Variants in NCOA7 observed in about 807,000 individuals in gnomAD.
NCOA7 encodes nuclear receptor coactivator 7.
A neutral mutation model predicts 104.3 loss-of-function variants in NCOA7; 45 were observed. The observed-to-expected ratio is 0.43, with a 90% CI of 0.34 to 0.55. The LOEUF is 0.55. Among genes scored for constraint, NCOA7 ranks in the 20% least tolerant of loss-of-function variants. The pLI is 0.02. For synonymous variants in NCOA7, 398 were observed against 402.3 expected (o/e 0.99, Z 0.13); for missense variants, 1,041 against 1,119.7 (o/e 0.93, Z 1.00).
intron 3 of NCOA7, among the ~76,000 whole-genome samples, chr6:125,867,371 A>T (rs1228884307): frequency 6.6e-6 from 1 of 152,212 alleles, no homozygotes; most frequent in Non-Finnish European, 1.5e-5. Context: ...CCATAAATTG[A>T]TATTGGTAAT....
intron 2 of NCOA7, among the ~76,000 whole-genome samples, chr6:125,851,488 C>T (rs1781124919): frequency 6.6e-6 from 1 of 152,164 alleles, no homozygotes; most frequent in Admixed American, 6.5e-5. Context: ...TTTTCTTTAT[C>T]CACTCATCAG....
rs140312521 is a variant in NCOA7 at position 125,904,727 on chromosome 6, C to T, written c.2097-10606C>T. ...ATGGACACTGGCTGCATTTTGGAGA[C>T]TGGTGCAAAACAAAGCTCCCAGGCA... On this transcript the variant is annotated intron_variant, in intron 10 of 15. Coordinates refer to ENST00000392477, the MANE Select transcript of NCOA7 (RefSeq NM_181782.5). 1.9e-4 allele frequency among the ~76,000 whole-genome samples: 29 copies of T among 152,276 alleles called. No individual in the cohort carries two copies. The East Asian group carries it at 4.8e-3, about 25-fold the overall frequency.
intron 1 of NCOA7, among the ~76,000 whole-genome samples, chr6:125,801,937 A>T (rs755802851): frequency 1.3e-5 from 2 of 152,202 alleles, no homozygotes; most frequent in Non-Finnish European, 2.9e-5. Flanking sequence ...AACAGTAAGT[A>T]ATATCAACCA....
chr6:125,845,195 C>T (rs1161548804), intron 2 of NCOA7, among the ~76,000 whole-genome samples: 1 of 152,056 alleles, frequency 6.6e-6, no homozygotes, highest in African/African-American at 2.4e-5. Flanking sequence ...AATGCAATGA[C>T]AAGGCTGCAG....
intron 2 of NCOA7, among the ~76,000 whole-genome samples, chr6:125,842,376 C>T (rs1363699365): frequency 6.6e-6 from 1 of 151,914 alleles, no homozygotes; most frequent in Admixed American, 6.6e-5. Context: ...TTCAAGAAAA[C>T]AACATTTTGC....
rs111934298 is a variant in NCOA7 at position 125,881,137 on chromosome 6, A to G, written c.507A>G (p.Leu169=). The G allele has an allele frequency of 8.5e-4, 1,367 of 1,614,004 alleles. 10 individuals carry two copies. In the African/African-American group the frequency reaches 0.016, roughly 19 times the overall value. Residue 169 remains leucine (L), a synonymous_variant, in exon 6 of 16, where the codon CTA becomes CTG. Coordinates refer to ENST00000392477, the MANE Select transcript of NCOA7 (RefSeq NM_181782.5). The stretch of plus-strand genomic sequence containing the variant: ...ACTCTCCTTCCAGTACCTTAAGGCT[A>G]TCATCATCCAGTCCTGGTGCTACTG... The part of the protein sequence containing the change: ...DANSPSSTLR[L]SSSSPGATVS...
At chr6:125,882,288 A>G in intron 6 of NCOA7, 138 bp from the exon 7 acceptor site, 1 of 800,638 alleles carries the variant, frequency 1.2e-6, no homozygotes. Flanking sequence ...TTTTTGAAGG[A>G]CAGAGGATAT....
chr6:125,872,813 A>G (rs151240464), intron 3 of NCOA7, among the ~76,000 whole-genome samples: 98 of 152,370 alleles, frequency 6.4e-4, no homozygotes, highest in African/African-American at 1.9e-3. Context: ...ATCTAAAAAC[A>G]TAGTCAATAG....
At position 125,890,670 on chromosome 6, in the gene NCOA7, C is replaced by G. The variant is rs373994504; in HGVS notation, c.1956C>G (p.Ser652Arg). ...TACTTCCTTCAAAAGAAGAAAAAAG[C>G]AAGACCCCACCCATGTTCCTGTGCA... ...EDILPSKEEK[S>R]KTPPMFLCIK... The change falls in exon 10 of 16, where the codon AGC becomes AGG. Residue 652 changes from serine (S) to arginine (R), a missense_variant. By Grantham distance (110) the Ser-to-Arg change is moderately radical. Transcript: ENST00000392477. 1.6e-5 allele frequency: 26 copies of G among 1,612,270 alleles called. No homozygotes were observed. In the African/African-American group the frequency reaches 3.5e-4, roughly 22 times the overall value.
intron 2 of NCOA7, among the ~76,000 whole-genome samples, chr6:125,851,506 G>T (rs1330156141): frequency 6.6e-6 from 1 of 152,126 alleles, no homozygotes; most frequent in Non-Finnish European, 1.5e-5. Context: ...CAGTTGATGG[G>T]CACTTTGGTT....
intron 11 of NCOA7, among the ~76,000 whole-genome samples, chr6:125,916,971 A>G (rs1282743033): frequency 6.6e-6 from 1 of 152,126 alleles, no homozygotes; most frequent in Non-Finnish European, 1.5e-5. Flanking sequence ...TGTTTCCTTC[A>G]TCATGTTGAA....
intron 1 of NCOA7, among the ~76,000 whole-genome samples, chr6:125,782,969 G>C (rs1166438707): frequency 2.0e-5 from 3 of 152,162 alleles, no homozygotes; most frequent in Non-Finnish European, 4.4e-5. Flanking sequence ...GGGCAGAGGA[G>C]TCAGGTCAGA....
chr6:125,896,298 G>A (rs930265279), intron 10 of NCOA7, among the ~76,000 whole-genome samples: 1 of 151,996 alleles, frequency 6.6e-6, no homozygotes, highest in African/African-American at 2.4e-5. Flanking sequence ...CAGCATAAGA[G>A]TATCCTTTTC....
At chr6:125,848,335 G>C (rs927331123) in intron 2 of NCOA7, among the ~76,000 whole-genome samples, 1 of 152,068 alleles carries the variant, frequency 6.6e-6, no homozygotes, top group Admixed American at 6.6e-5. Flanking sequence ...ATGCTGCTAT[G>C]AAGACACATG....
intron 4 of NCOA7, among the ~76,000 whole-genome samples, chr6:125,878,013 A>C (rs1374657489): frequency 6.6e-6 from 1 of 152,164 alleles, no homozygotes; most frequent in East Asian, 1.9e-4. Flanking sequence ...AGTTGCACCA[A>C]AGTAAAATTA....
rs550348816 is a variant in NCOA7 at position 125,899,683 on chromosome 6, T to C, written c.2096+8873T>C. ...AAATATGTAATTATTGATTATTTTA[T>C]GTTTTAAAGTGACACTGCTTGCTCT... On this transcript the variant is annotated intron_variant, in intron 10 of 15. Transcript: ENST00000392477. 2.6e-5 allele frequency among the ~76,000 whole-genome samples: 4 copies of C among 152,360 alleles called. No homozygotes were observed. In the East Asian group the frequency reaches 5.8e-4, roughly 22 times the overall value.
At chr6:125,886,040 C>T (rs17751311) in intron 8 of NCOA7, among the ~76,000 whole-genome samples, 16,902 of 152,034 alleles carry the variant, frequency 0.11, 1,102 homozygotes, top group African/African-American at 0.18. Context: ...TGTCCTTTCG[C>T]TCTACTGTGT....
intron 10 of NCOA7, among the ~76,000 whole-genome samples, chr6:125,895,999 GTA>G (rs925193960): frequency 2.0e-5 from 3 of 147,074 alleles, no homozygotes; most frequent in South Asian, 2.1e-4. Context: ...GTCTGTGTGT[GTA>G]TATATATATA....
chr6:125,840,867 GGTTTTTTTTT>G (rs1780073048), intron 2 of NCOA7, among the ~76,000 whole-genome samples: 1 of 50,658 alleles, frequency 2.0e-5, no homozygotes, highest in African/African-American at 7.4e-5. Flanking sequence ...TTGTTTGGTT[GGTTTTTTTTT>G]TTTTTTTTTT....
Sources: gnomAD v4.1 joint callset for allele counts (sites outside exome capture counted in the v4.1 genomes callset) on GRCh38, gnomAD v4.1.1 for gene constraint, MANE v1.5 for transcripts, NCBI Gene and HGNC (gene_info 2026-07-23, HGNC 2026-07-21) for gene names.